Variants in ADAMTSL1 observed in about 807,000 individuals in gnomAD.
The protein encoded by ADAMTSL1 is ADAMTS like 1.
In ADAMTSL1, 126 loss-of-function variants were observed where a neutral mutation model predicts 201.8. The ratio of observed to expected loss-of-function variants is 0.62; its 90% CI spans 0.54 to 0.72. The LOEUF (loss-of-function observed/expected upper bound fraction) is 0.72, where lower values mean the gene tolerates loss of function less well. Ranked by LOEUF, ADAMTSL1 falls within the 30% of genes least tolerant of loss-of-function variation. ADAMTSL1 has a pLI of 0.00. For synonymous variants in ADAMTSL1, 1,121 were observed against 903.4 expected (o/e 1.24, Z -4.32); for missense variants, 2,679 against 2,277.8 (o/e 1.18, Z -3.59).
At chr9:17,921,814 GC>G (rs1476819917) in intron 1 of ADAMTSL1, among the ~76,000 whole-genome samples, 1 of 152,062 alleles carries the variant, frequency 6.6e-6, no homozygotes, top group Admixed American at 6.6e-5. Context: ...CCTTCTGGTT[GC>G]CAAACACAAT....
At chr9:18,140,874 C>G (rs1051891264) in intron 1 of ADAMTSL1, among the ~76,000 whole-genome samples, 2 of 152,170 alleles carry the variant, frequency 1.3e-5, no homozygotes, top group Admixed American at 6.5e-5. Context: ...TGTGACAGAG[C>G]TGTCCAAAAT....
intron 1 of ADAMTSL1, among the ~76,000 whole-genome samples, chr9:18,500,719 T>G (rs1260619125): frequency 6.6e-6 from 1 of 152,216 alleles, no homozygotes; most frequent in Non-Finnish European, 1.5e-5. Context: ...GTAAAATAGT[T>G]GCTGTAATAA....
chr9:18,474,036 T>A (rs1821325897), upstream of ADAMTSL1: 2 of 526,718 alleles, frequency 3.8e-6, no homozygotes, highest in Non-Finnish European at 6.7e-6. Flanking sequence ...GCTGGCTGCC[T>A]GCTCCGAGAG....
chr9:18,334,257 T>C (rs936782621), intron 2 of ADAMTSL1, among the ~76,000 whole-genome samples: 10 of 152,106 alleles, frequency 6.6e-5, no homozygotes, highest in African/African-American at 2.2e-4. Context: ...ACAATACAAA[T>C]TGGAATTGTG....
At chr9:18,314,741 G>C (rs1273150835) in intron 2 of ADAMTSL1, among the ~76,000 whole-genome samples, 2 of 148,516 alleles carry the variant, frequency 1.3e-5, no homozygotes, top group African/African-American at 4.9e-5. Flanking sequence ...CAGCGTGGAA[G>C]GGGACCCCAG....
At chr9:18,705,033 G>A (rs79702521) in intron 13 of ADAMTSL1, among the ~76,000 whole-genome samples, 1,856 of 152,278 alleles carry the variant, frequency 0.012, 49 homozygotes, top group African/African-American at 0.042. Context: ...CTTATCTTCT[G>A]AGCAGACCAC....
intron 15 of ADAMTSL1, chr9:18,723,880 G>A (rs893427579): frequency 2.6e-5 from 4 of 152,170 alleles, no homozygotes; most frequent in African/African-American, 9.7e-5. Context: ...TTCTCCTGGT[G>A]TTCAATGTAT....
chr9:18,172,934 G>T (rs1359042905), intron 2 of ADAMTSL1, among the ~76,000 whole-genome samples: 1 of 152,028 alleles, frequency 6.6e-6, no homozygotes. Flanking sequence ...TAAAGACAGA[G>T]GTGCGAAAAA....
At chr9:18,857,368 C>T (rs934462898) in intron 23 of ADAMTSL1, among the ~76,000 whole-genome samples, 10 of 152,172 alleles carry the variant, frequency 6.6e-5, no homozygotes, top group South Asian at 4.1e-4. Flanking sequence ...TTTCTTCAAA[C>T]GAAAACAGTT....
chr9:18,466,335 A>G (rs1471326596), intron 2 of ADAMTSL1, among the ~76,000 whole-genome samples: 1 of 152,090 alleles, frequency 6.6e-6, no homozygotes, highest in African/African-American at 2.4e-5. Context: ...CTTGTATTCA[A>G]TTCTCCATGC....
chr9:18,301,288 A>G (rs1254372085), intron 2 of ADAMTSL1, among the ~76,000 whole-genome samples: 1 of 152,218 alleles, frequency 6.6e-6, no homozygotes, highest in Non-Finnish European at 1.5e-5. Flanking sequence ...AGAATAATAA[A>G]GGAAGTGAAA....
chr9:18,313,585 A>C (rs1834237015), intron 2 of ADAMTSL1, among the ~76,000 whole-genome samples: 1 of 152,158 alleles, frequency 6.6e-6, no homozygotes, highest in Non-Finnish European at 1.5e-5. Context: ...TTTCCAACAG[A>C]CAGTGTTTGA....
intron 1 of ADAMTSL1, among the ~76,000 whole-genome samples, chr9:18,484,447 T>G (rs1395421750): frequency 1.3e-5 from 2 of 152,222 alleles, no homozygotes; most frequent in African/African-American, 4.8e-5. Flanking sequence ...TTAAGGTCAT[T>G]TCTTTGACTT....
At chr9:18,715,556 A>G (rs1832872148) in intron 14 of ADAMTSL1, among the ~76,000 whole-genome samples, 1 of 152,110 alleles carries the variant, frequency 6.6e-6, no homozygotes, top group Admixed American at 6.5e-5. Context: ...TTCAAAGAGA[A>G]CTACAAACCA....
At chr9:18,557,634 G>T (rs950415613) in intron 3 of ADAMTSL1, among the ~76,000 whole-genome samples, 34 of 152,126 alleles carry the variant, frequency 2.2e-4, no homozygotes, top group African/African-American at 7.7e-4. Context: ...ACAATATCAA[G>T]TGGTTTGTTG....
chr9:18,604,757 C>A (rs1364496171), intron 4 of ADAMTSL1, among the ~76,000 whole-genome samples: 1 of 152,160 alleles, frequency 6.6e-6, no homozygotes, highest in Non-Finnish European at 1.5e-5. Flanking sequence ...GTCTGCAATT[C>A]TTGTAGGTAG....
At chr9:18,742,712 C>G (rs1384454070) in intron 15 of ADAMTSL1, among the ~76,000 whole-genome samples, 1 of 151,808 alleles carries the variant, frequency 6.6e-6, no homozygotes, top group African/African-American at 2.4e-5. Flanking sequence ...GTGGCTGTGC[C>G]TGGCAGAAAC....
chr9:18,060,666 C>T lies in ADAMTSL1; in HGVS notation c.88-103196C>T, dbSNP rs113507783. ...TTTATTTTCATTTCTGACGATGACC[C>T]TACTGATTTTAGTCAGGTTAACTAC... On this transcript the variant is annotated intron_variant, in intron 1 of 29. Coordinates refer to the ADAMTSL1 transcript ENST00000680146. Among the ~76,000 whole-genome samples the T allele has an allele frequency of 8.1e-3, 1,229 of 152,212 alleles. 20 individuals carry two copies. Among genetic ancestry groups the T allele is most frequent in the African/African-American group, 0.028 (1,153 of 41,544 alleles).
intron 14 of ADAMTSL1, 37 bp from the exon 15 acceptor site, chr9:18,721,499 C>A: frequency 1.2e-6 from 2 of 1,609,572 alleles, no homozygotes; most frequent in South Asian, 1.1e-5. Context: ...CACACACCCA[C>A]TTTGCACTCT....
Sources: gnomAD v4.1 joint callset for allele counts (sites outside exome capture counted in the v4.1 genomes callset) on GRCh38, gnomAD v4.1.1 for gene constraint, MANE v1.5 for transcripts, NCBI Gene and HGNC (gene_info 2026-07-23, HGNC 2026-07-21) for gene names.